Variants in FGD1 observed in about 807,000 individuals in gnomAD.
The protein encoded by FGD1 is FYVE, RhoGEF and PH domain containing 1, also known as FYVE, RhoGEF and PH domain-containing protein 1.
FGD1 carries 12 observed loss-of-function variants against 65.0 expected under a neutral mutation model. The ratio of observed to expected loss-of-function variants is 0.18; its 90% CI spans 0.12 to 0.30. The LOEUF is 0.30. Among genes scored for constraint, FGD1 ranks in the 10% least tolerant of loss-of-function variants. The pLI, the probability that FGD1 is intolerant of heterozygous loss-of-function variation, is 1.00. For missense variants in FGD1, 542 were observed against 837.6 expected (o/e 0.65, Z 4.36); for synonymous variants, 333 against 343.9 (o/e 0.97, Z 0.35).
At chrX:54,475,795 C>T (rs1368744520) in intron 1 of FGD1, among the ~76,000 whole-genome samples, 8 of 112,274 alleles carry the variant, frequency 7.1e-5, no homozygotes, top group Non-Finnish European at 1.3e-4. Context: ...AGGCCGGGCG[C>T]GGTGGCTCAC....
At chrX:54,466,788 T>C (rs185620525) in intron 6 of FGD1, among the ~76,000 whole-genome samples, 84 of 108,904 alleles carry the variant, frequency 7.7e-4, no homozygotes, top group African/African-American at 2.4e-3. Context: ...CTTGCTCTGT[T>C]GCCCAGGCTG....
rs1198596338 is a variant in FGD1 at position 54,467,945 on chromosome X, G to A, written c.1192-13C>T. 8.5e-7 allele frequency: 1 copy of A among 1,173,289 alleles called. No individual in the cohort carries two copies. The highest frequency in any genetic ancestry group is 1.1e-6 in the Non-Finnish European group (1 of 875,116). On this transcript the variant is annotated splice_polypyrimidine_tract_variant and intron_variant, in intron 5 of 17. Coordinates refer to ENST00000375135, the MANE Select transcript of FGD1 (RefSeq NM_004463.3). ...GGGCACAGAACACCTGTGGGGCAGG[G>A]CAGAAGCACTCAGCCCAGCTGGGCC...
intron 1 of FGD1, among the ~76,000 whole-genome samples, chrX:54,475,270 G>C (rs899615508): frequency 1.8e-5 from 2 of 112,678 alleles, no homozygotes; most frequent in African/African-American, 6.4e-5. Context: ...GTCAGAGAGA[G>C]AGGCAGTGAC....
intron 1 of FGD1, among the ~76,000 whole-genome samples, chrX:54,474,150 A>T (rs1023489059): frequency 1.8e-5 from 2 of 111,531 alleles, no homozygotes; most frequent in African/African-American, 6.5e-5. Context: ...TGTCATACTC[A>T]TCTAACAAAC....
At chrX:54,460,811 C>T (rs1043496270) in intron 8 of FGD1, among the ~76,000 whole-genome samples, 4 of 111,437 alleles carry the variant, frequency 3.6e-5, no homozygotes, top group African/African-American at 9.8e-5. Context: ...CAACCTGGGG[C>T]CAATTTTAGA....
At chrX:54,482,231 C>T (rs1453647053) in intron 1 of FGD1, among the ~76,000 whole-genome samples, 2 of 96,418 alleles carry the variant, frequency 2.1e-5, no homozygotes, top group East Asian at 3.5e-4. Flanking sequence ...CGCGCGCACA[C>T]GCGCGCACAC....
intron 1 of FGD1, among the ~76,000 whole-genome samples, chrX:54,482,796 G>T (rs1311656928): frequency 1.8e-5 from 2 of 111,131 alleles, no homozygotes; most frequent in Non-Finnish European, 3.8e-5. Context: ...AAAAGGAAGG[G>T]ACAAGTCAGA....
intron 1 of FGD1, among the ~76,000 whole-genome samples, chrX:54,475,979 C>T (rs1339483797): frequency 1.8e-5 from 2 of 111,872 alleles, no homozygotes; most frequent in Admixed American, 9.5e-5. Context: ...GCAGGAGAAT[C>T]GCTTGAACCC....
At chrX:54,468,121 G>T (rs1272105901) in intron 5 of FGD1, among the ~76,000 whole-genome samples, 189 bp from the exon 6 acceptor site, 3 of 111,711 alleles carry the variant, frequency 2.7e-5, no homozygotes, top group Non-Finnish European at 3.8e-5. Context: ...AGCAGTCCCT[G>T]GCTTTGGCCC....
intron 1 of FGD1, among the ~76,000 whole-genome samples, chrX:54,477,338 C>T (rs986827098): frequency 1.8e-5 from 2 of 112,150 alleles, no homozygotes; most frequent in Admixed American, 9.4e-5. Context: ...GACTCTAACT[C>T]AGGAAAGGCA....
intron 5 of FGD1, among the ~76,000 whole-genome samples, chrX:54,468,146 G>T: frequency 9.0e-6 from 1 of 111,706 alleles, no homozygotes; most frequent in Non-Finnish European, 1.9e-5. Flanking sequence ...ACTTGAGCTT[G>T]GTCCCGGCAG....
At chrX:54,481,938 G>A (rs1397286649) in intron 1 of FGD1, among the ~76,000 whole-genome samples, 1 of 110,228 alleles carries the variant, frequency 9.1e-6, no homozygotes, top group East Asian at 2.9e-4. Flanking sequence ...AGACCTATAG[G>A]GGGCATGCAG....
rs141091828 is a variant in FGD1, at chrX:54,482,541, C to T, written c.308-11054G>A. Among the ~76,000 whole-genome samples, 358 of 112,150 alleles carry T rather than the reference C, an allele frequency of 3.2e-3. 3 individuals carry two copies. The highest frequency in any genetic ancestry group is 0.011 in the African/African-American group (346 of 30,866). ...GGCTGCCACGCTGGCTGAGATTCCC[C>T]TTCCTGTGAGGCAAAGCCGCTAGGG... On this transcript the variant is annotated intron_variant, in intron 1 of 17. Transcript: ENST00000375135.
At chrX:54,494,616 CTCTGAGCTTCAGTTT>C (rs1249743448) in intron 1 of FGD1, among the ~76,000 whole-genome samples, 1 of 109,640 alleles carries the variant, frequency 9.1e-6, no homozygotes, top group East Asian at 2.9e-4. Context: ...TGCTTAACTT[CTCTGAGCTTCAGTTT>C]CCTTCCCTAC....
chrX:54,448,065 A>G (rs2147422208), intron 16 of FGD1, among the ~76,000 whole-genome samples: 1 of 112,524 alleles, frequency 8.9e-6, no homozygotes, highest in Admixed American at 9.4e-5. Flanking sequence ...ATATATGCCT[A>G]GAAAGATAGG....
At chrX:54,482,236 G>GCACACACACACACACACACACACACA (rs759070309) in intron 1 of FGD1, among the ~76,000 whole-genome samples, 47 of 99,384 alleles carry the variant, frequency 4.7e-4, no homozygotes, top group Middle Eastern at 5.4e-3. Context: ...GCACACGCGC[G>GCACACACACACACACACACACACACA]CACACACACA....
In FGD1 at chrX:54,479,782, A is replaced by C. The variant is rs1331540652; in HGVS notation, c.308-8295T>G. ...GGAAGGGGCATCCCTCCGCTTGACA[A>C]AAAAAAAAAAAAAAAAAGCCATAAC... On this transcript the variant is annotated intron_variant, in intron 1 of 17. Coordinates refer to ENST00000375135, the MANE Select transcript of FGD1 (RefSeq NM_004463.3). Among the ~76,000 whole-genome samples the C allele has an allele frequency of 2.1e-3, 174 of 84,555 alleles. 3 individuals are homozygous for C. The highest frequency in any genetic ancestry group is 0.01 in the African/African-American group (169 of 16,399). The allele number at this position is 84,555 out of a possible 115,157, so 73.4% of individuals were successfully genotyped here.
At position 54,447,558 on chromosome X, in the gene FGD1, T is replaced by C. The variant is rs903850362; in HGVS notation, c.2437-104A>G. On this transcript the variant is annotated intron_variant, in intron 16 of 17. Coordinates refer to ENST00000375135, the MANE Select transcript of FGD1 (RefSeq NM_004463.3). ...TAGGGACTGCTATTCCTATCTCAGA[T>C]GAAGACGCTCAAGCTCAGGTGGCAG... 2.5e-5 allele frequency: 22 copies of C among 871,782 alleles called. No individual in the cohort carries two copies. The East Asian group carries it at 6.1e-4, about 24-fold the overall frequency. The allele number at this position is 871,782 out of a possible 1,213,427, so 71.8% of individuals were successfully genotyped here.
At position 54,456,538 on chromosome X, in the gene FGD1, C is replaced by G. The variant is rs2147427527; in HGVS notation, c.1666G>C (p.Glu556Gln). ...KSLELIATAA[E>Q]HSNAAIRKME... is the part of the protein sequence containing the mutation. The stretch of plus-strand genomic sequence containing the variant: ...TTGCGGATGGCAGCATTCGAGTGCT[C>G]TGCTGCTGTGGCGATCAGCTCCAGA... The change falls in exon 9 of 18, where the codon GAG (glutamate) becomes CAG (glutamine). Residue 556 changes from glutamate (E) to glutamine (Q), a missense_variant. Coordinates refer to ENST00000375135, the MANE Select transcript of FGD1 (RefSeq NM_004463.3). 1 of 1,211,137 alleles carries G rather than the reference C, an allele frequency of 8.3e-7. No individual in the cohort carries two copies. The highest frequency in any genetic ancestry group is 3.0e-5 in the East Asian group (1 of 33,830).
Sources: gnomAD v4.1 joint callset for allele counts (sites outside exome capture counted in the v4.1 genomes callset) on GRCh38, gnomAD v4.1.1 for gene constraint, MANE v1.5 for transcripts, NCBI Gene and HGNC (gene_info 2026-07-23, HGNC 2026-07-21) for gene names.